The following NTNG2 variants were observed in gnomAD, a reference collection of about 807,000 sequenced individuals.
NTNG2 encodes netrin G2, also known as netrin-G2.
Under a neutral mutation model 47.6 loss-of-function variants are expected in NTNG2, and 15 were observed. That is an observed-to-expected ratio of 0.32 (90% CI 0.21 to 0.49). The LOEUF (loss-of-function observed/expected upper bound fraction) is 0.49. Ranked by LOEUF, NTNG2 falls within the 20% of genes least tolerant of loss-of-function variation. The pLI is 0.99. For missense variants in NTNG2, 578 were observed against 764.6 expected, an observed-to-expected ratio of 0.76 and a Z score of 2.88; for synonymous variants, 307 against 324.6, an observed-to-expected ratio of 0.95 and a Z score of 0.58.
chr9:132,200,843 T>C (rs143295457), intron 3 of NTNG2, among the ~76,000 whole-genome samples: 182 of 152,334 alleles, frequency 1.2e-3, no homozygotes, highest in Admixed American at 4.0e-3. Context: ...ACCCCATATA[T>C]AGGCACTGTT....
At chr9:132,241,330 T>G in intron 7 of NTNG2, 1 of 421,120 alleles carries the variant, frequency 2.4e-6, no homozygotes, top group Non-Finnish European at 4.2e-6. Flanking sequence ...CCGGGGGCGG[T>G]GGACGGGGCC....
intron 6 of NTNG2, 21 bp from the exon 7 acceptor site, chr9:132,240,889 C>T (rs1441283660): frequency 1.9e-6 from 3 of 1,612,566 alleles, no homozygotes; most frequent in Non-Finnish European, 1.7e-6. Flanking sequence ...TGACCGCGCG[C>T]CCGTGCCCGT....
chr9:132,241,585 G>A, intron 7 of NTNG2: 3 of 420,704 alleles, frequency 7.1e-6, no homozygotes, highest in South Asian at 3.4e-5. Context: ...CTCCAGGCGC[G>A]TGGAACAGCA....
At chr9:132,238,602 G>A (rs1841789588) in intron 5 of NTNG2, among the ~76,000 whole-genome samples, 5 of 152,236 alleles carry the variant, frequency 3.3e-5, no homozygotes, top group Admixed American at 3.3e-4. Context: ...AAAGCAGCAT[G>A]GGCAGGAGCT....
At chr9:132,201,220 C>G (rs1166834818) in intron 3 of NTNG2, among the ~76,000 whole-genome samples, 1 of 152,288 alleles carries the variant, frequency 6.6e-6, no homozygotes, top group Non-Finnish European at 1.5e-5. Flanking sequence ...AACCCTGCCT[C>G]TCTGCATCCT....
At chr9:132,239,557 C>T (rs1173139041) in intron 6 of NTNG2, among the ~76,000 whole-genome samples, 2 of 152,246 alleles carry the variant, frequency 1.3e-5, no homozygotes, top group Non-Finnish European at 2.9e-5. Flanking sequence ...ACTGACCCTT[C>T]CTGGCTCCAA....
intron 3 of NTNG2, among the ~76,000 whole-genome samples, chr9:132,214,874 AT>A (rs60721815): frequency 0.62 from 92,703 of 149,362 alleles, 30,840 homozygotes; most frequent in African/African-American, 0.9. Flanking sequence ...TTCAAAAAAA[AT>A]TTTTTTTTTT....
chr9:132,185,410 C>T (rs1564395460), intron 2 of NTNG2, among the ~76,000 whole-genome samples: 1 of 152,184 alleles, frequency 6.6e-6, no homozygotes, highest in Non-Finnish European at 1.5e-5. Context: ...CCTCACCCCA[C>T]CCCGGCACTG....
intron 2 of NTNG2, among the ~76,000 whole-genome samples, chr9:132,172,720 G>GTTTTTTT (rs1343228237): frequency 1.1e-5 from 1 of 89,820 alleles, no homozygotes; most frequent in African/African-American, 4.9e-5. Flanking sequence ...GATCAGGGCT[G>GTTTTTTT]TATTTTTTTT....
At chr9:132,188,830 G>T (rs1042208814) in intron 2 of NTNG2, among the ~76,000 whole-genome samples, 1 of 152,056 alleles carries the variant, frequency 6.6e-6, no homozygotes, top group Non-Finnish European at 1.5e-5. Context: ...AAGATTTCCC[G>T]AGTCCCTGAG....
chr9:132,193,195 G>A (rs1015160831), intron 2 of NTNG2, among the ~76,000 whole-genome samples: 3 of 152,182 alleles, frequency 2.0e-5, no homozygotes, highest in Admixed American at 1.3e-4. Context: ...TGGGGATGAC[G>A]GGAATACTAT....
At position 132,198,554 on chromosome 9, in the gene NTNG2, C is replaced by T; in HGVS notation, c.802C>T (p.Arg268Trp). 1.9e-6 allele frequency: 3 copies of T among 1,613,030 alleles called. No individual in the cohort carries two copies. The highest frequency in any genetic ancestry group is 2.5e-6 in the Non-Finnish European group (3 of 1,179,950). The change falls in exon 3 of 8, where the codon CGG becomes TGG. Residue 268 changes from arginine to tryptophan, a missense_variant. Physicochemically the swap from Arg to Trp is moderately radical, Grantham distance 101. Transcript: ENST00000393229. ...RPALGGTYVQ[R>W]ENLYKYFYAI... ...GGCGCTGGGCGGCACCTATGTGCAG[C>T]GGGAGAACCTCTACAAGTACTTCTA...
At chr9:132,203,432 A>G (rs1838934410) in intron 3 of NTNG2, among the ~76,000 whole-genome samples, 1 of 152,316 alleles carries the variant, frequency 6.6e-6, no homozygotes, top group East Asian at 1.9e-4. Context: ...CGGAAGCGAT[A>G]GGGAAGGGTG....
chr9:132,206,152 G>A (rs1183917744), intron 3 of NTNG2, among the ~76,000 whole-genome samples: 2 of 152,136 alleles, frequency 1.3e-5, no homozygotes, highest in Non-Finnish European at 2.9e-5. Flanking sequence ...GATCACAGAG[G>A]GCCTGGAGGT....
At position 132,208,926 on chromosome 9, in the gene NTNG2, T is replaced by C. The variant is rs1417342547; in HGVS notation, c.857+10317T>C. 6.6e-6 allele frequency among the ~76,000 whole-genome samples: 1 copy of C among 151,846 alleles called. No individual in the cohort carries two copies. The highest frequency in any genetic ancestry group is 2.4e-5 in the African/African-American group (1 of 41,244). ...CTGCTCCCTGAAAATCTGCTGTAAG[T>C]GGAGTCGTGCGGCAGGTGGCTTTTT... On this transcript the variant is annotated intron_variant, in intron 3 of 7. Coordinates refer to ENST00000393229, the MANE Select transcript of NTNG2 (RefSeq NM_032536.4). This position sits in a 1 kb window ranked among gnomAD's most constrained non-coding sequence, Gnocchi z 4.0.
At position 132,244,285 on chromosome 9, in the gene NTNG2, G is replaced by A. The variant is rs996005446; in HGVS notation, c.*2174G>A. 4.6e-5 allele frequency: 7 copies of A among 152,178 alleles called. No homozygotes were observed. Among genetic ancestry groups the A allele is most frequent in the Admixed American group, 4.6e-4 (7 of 15,274 alleles). 9.4% of individuals were successfully genotyped at this position (152,178 alleles called of 1,614,324 possible). On this transcript the variant is annotated 3_prime_UTR_variant, in exon 8 of 8. Transcript: ENST00000393229. ...TCAGGATAGTGAAGGGTGGAGCCGG[G>A]GGTGGAAGTTGCAGAGCCTGGGACA...
In NTNG2 at chr9:132,242,052, C is replaced by A. The variant is rs1451171308; in HGVS notation, c.1534C>A (p.Pro512Thr). Residue 512 changes from proline (P) to threonine (T), a missense_variant, in exon 8 of 8, where the codon CCC (proline) becomes ACC (threonine). Transcript: ENST00000393229. The surrounding 1 kb of genome is among the most constrained non-coding windows in gnomAD (Gnocchi z 5.9). Reference protein sequence around the residue: ...CDRAPGAAPRPATLLGCLLLL... With the variant: ...CDRAPGAAPRTATLLGCLLLL... Reference sequence around the variant, plus strand: ...CCGCGCGCCCGGGGCCGCCCCGCGCCCCGCCACCCTGCTCGGCTGCCTGCT... The same window carrying A: ...CCGCGCGCCCGGGGCCGCCCCGCGCACCGCCACCCTGCTCGGCTGCCTGCT... 2 of 1,255,010 alleles carry A rather than the reference C, an allele frequency of 1.6e-6. No individual in the cohort carries two copies. The highest frequency in any genetic ancestry group is 2.0e-6 in the Non-Finnish European group (2 of 1,003,788). The allele number at this position is 1,255,010 out of a possible 1,614,324, so 77.7% of individuals were successfully genotyped here. A position where few individuals can be genotyped will look rare whatever the true frequency, so the allele number is the denominator to read the frequency against.
intron 2 of NTNG2, among the ~76,000 whole-genome samples, chr9:132,174,921 C>CAAAAA (rs10656671): frequency 2.7e-5 from 4 of 147,000 alleles, no homozygotes; most frequent in African/African-American, 1.0e-4. Context: ...GACTCTGTCT[C>CAAAAA]AAAAAAAAAA....
chr9:132,228,618 C>T (rs1028639779), intron 4 of NTNG2, among the ~76,000 whole-genome samples: 4 of 151,184 alleles, frequency 2.6e-5, no homozygotes, highest in Non-Finnish European at 5.9e-5. Flanking sequence ...AGTGCAGTGG[C>T]GCAGTCATGG....
Sources: gnomAD v4.1 joint callset for allele counts (sites outside exome capture counted in the v4.1 genomes callset) on GRCh38, gnomAD v4.1.1 for gene constraint, Gnocchi (gnomAD v3.1) non-coding constraint, MANE v1.5 for transcripts, NCBI Gene and HGNC (gene_info 2026-07-23, HGNC 2026-07-21) for gene names.